ISOC1: variants seen among roughly 807,000 people sequenced by gnomAD.
ISOC1 encodes the protein isochorismatase domain containing 1.
A neutral mutation model predicts 30.0 loss-of-function variants in ISOC1; 33 were observed. The ratio of observed to expected loss-of-function variants is 1.10; its 90% CI spans 0.83 to 1.47. The LOEUF (loss-of-function observed/expected upper bound fraction) is 1.47, where lower values mean the gene tolerates loss of function less well. ISOC1 is among the 40% of genes most tolerant of loss of function. The pLI is 0.00. For missense variants in ISOC1, 372 were observed against 388.0 expected, an observed-to-expected ratio of 0.96 and a Z score of 0.35; for synonymous variants, 178 against 159.8, an observed-to-expected ratio of 1.11 and a Z score of -0.86.
intron 4 of ISOC1, among the ~76,000 whole-genome samples, chr5:129,111,703 C>G (rs1054694573): frequency 6.6e-6 from 1 of 152,044 alleles, no homozygotes; most frequent in African/African-American, 2.4e-5. Flanking sequence ...TTCCTCCTTT[C>G]CTCTCTCTAC....
rs1220076830 is a variant in ISOC1 at position 129,094,797 on chromosome 5, C to T, written c.31C>T (p.Leu11Phe). MAAAEPAVLALPNSGAGGAGA... is the reference protein window; with the variant it reads MAAAEPAVLAFPNSGAGGAGA... ...GGCTGCGGAGCCGGCGGTCCTTGCG[C>T]TCCCCAACAGCGGCGCCGGGGGCGC... Residue 11 changes from leucine (L) to phenylalanine (F), a missense_variant, in exon 1 of 5, where the codon CTC (leucine) becomes TTC (phenylalanine). By Grantham distance (22) the Leu-to-Phe change is conservative. Coordinates refer to ENST00000173527, the MANE Select transcript of ISOC1 (RefSeq NM_016048.2). 9 of 1,527,208 alleles carry T rather than the reference C, an allele frequency of 5.9e-6. No homozygotes were observed. Among genetic ancestry groups the T allele is most frequent in the Non-Finnish European group, 7.0e-6 (8 of 1,142,350 alleles). 94.6% of individuals were successfully genotyped at this position (1,527,208 alleles called of 1,614,324 possible). A position where few individuals can be genotyped will look rare whatever the true frequency, so the allele number is the denominator to read the frequency against.
At chr5:129,095,155 T>TC in intron 1 of ISOC1, 80 bp downstream of exon 1, 1 of 1,381,204 alleles carries the variant, frequency 7.2e-7, no homozygotes, top group South Asian at 1.5e-5. Context: ...TTCGCCGCGC[T>TC]CCTCAGGTGC....
At chr5:129,105,507 C>A (rs1455831611) in intron 3 of ISOC1, 119 bp downstream of exon 3, 2 of 783,468 alleles carry the variant, frequency 2.6e-6, no homozygotes, top group Non-Finnish European at 4.1e-6. Context: ...AAGGTAGCCA[C>A]CATGTATTAT....
chr5:129,104,133 A>G (rs1350656218), intron 1 of ISOC1, among the ~76,000 whole-genome samples: 2 of 152,174 alleles, frequency 1.3e-5, no homozygotes, highest in Admixed American at 6.5e-5. Context: ...AAGAATGGAG[A>G]TGTCAAATAT....
chr5:129,106,231 G>A (rs923555818), intron 3 of ISOC1, among the ~76,000 whole-genome samples: 2 of 152,080 alleles, frequency 1.3e-5, no homozygotes, highest in Non-Finnish European at 2.9e-5. Flanking sequence ...ATTTTAATGA[G>A]GTGTCATTTG....
intron 4 of ISOC1, among the ~76,000 whole-genome samples, chr5:129,108,078 T>G (rs1382721451): frequency 6.6e-6 from 1 of 152,248 alleles, no homozygotes; most frequent in Non-Finnish European, 1.5e-5. Context: ...TCTTTAACTG[T>G]TTATTGAGAA....
At chr5:129,104,906 A>G (rs1369672013) in intron 1 of ISOC1, 50 bp from the exon 2 acceptor site, 19 of 1,584,576 alleles carry the variant, frequency 1.2e-5, no homozygotes, top group Non-Finnish European at 1.5e-5. Flanking sequence ...ACTGAAAATA[A>G]ATGTCATTGT....
chr5:129,110,320 C>G (rs1481709558), intron 4 of ISOC1, among the ~76,000 whole-genome samples: 1 of 152,106 alleles, frequency 6.6e-6, no homozygotes, highest in East Asian at 1.9e-4. Flanking sequence ...CCTTTTTAAG[C>G]CAGGAGAGAA....
In ISOC1 at chr5:129,095,025, T is replaced by C; in HGVS notation, c.259T>C (p.Phe87Leu). 2 of 1,600,412 alleles carry C rather than the reference T, an allele frequency of 1.2e-6. No homozygotes were observed. Among genetic ancestry groups the C allele is most frequent in the Non-Finnish European group, 1.7e-6 (2 of 1,175,768 alleles). Reference protein sequence around the residue: ...WGQYVDLPKGFAVSERCKVRL... With the variant: ...WGQYVDLPKGLAVSERCKVRL... Reference sequence around the variant, plus strand: ...CCAGTACGTGGACTTGCCCAAGGGCTTCGCGGTGAGCGAGCGCTGCAAGGT... The same window carrying C: ...CCAGTACGTGGACTTGCCCAAGGGCCTCGCGGTGAGCGAGCGCTGCAAGGT... Residue 87 changes from phenylalanine to leucine, a missense_variant, in exon 1 of 5, where the codon TTC (phenylalanine) becomes CTC (leucine). Physicochemically the swap from Phe to Leu is conservative, Grantham distance 22 (BLOSUM62 0). Coordinates refer to ENST00000173527, the MANE Select transcript of ISOC1 (RefSeq NM_016048.2).
In ISOC1 at chr5:129,106,011, ATAG is replaced by A. The variant is rs1753632497; in HGVS notation, c.633+630_633+632del. On this transcript the variant is annotated intron_variant, in intron 3 of 4. Transcript: ENST00000173527. ...TTATGACAATTTGAAGGTAACTTTT[ATAG>A]TAGTAGGTTTTAACAGTAGAAAGAT... Among the ~76,000 whole-genome samples, 3 of 152,214 alleles carry A rather than the reference ATAG, an allele frequency of 2.0e-5. No individual in the cohort carries two copies. The South Asian group carries it at 6.2e-4, about 32-fold the overall frequency.
chr5:129,109,467 G>C (rs562669374), intron 4 of ISOC1, among the ~76,000 whole-genome samples: 43 of 152,264 alleles, frequency 2.8e-4, no homozygotes, highest in African/African-American at 1.0e-3. Flanking sequence ...TTGTCTTCAC[G>C]TGGTTAGTCA....
chr5:129,097,374 G>A (rs999909304), intron 1 of ISOC1, among the ~76,000 whole-genome samples: 1 of 152,102 alleles, frequency 6.6e-6, no homozygotes, highest in Non-Finnish European at 1.5e-5. Flanking sequence ...TATGAGAAGA[G>A]AGAGATATAT....
chr5:129,104,379 A>G (rs1311223807), intron 1 of ISOC1, among the ~76,000 whole-genome samples: 1 of 152,166 alleles, frequency 6.6e-6, no homozygotes, highest in Non-Finnish European at 1.5e-5. Context: ...AAGCAGCAAC[A>G]TCAGATTTTT....
chr5:129,107,146 G>A (rs1580789095), intron 4 of ISOC1, 84 bp downstream of exon 4: 3 of 1,104,022 alleles, frequency 2.7e-6, no homozygotes, highest in Non-Finnish European at 2.8e-6. Flanking sequence ...AGTAATGAAA[G>A]GTTTACCTCC....
At chr5:129,095,980 C>T (rs1019935943) in intron 1 of ISOC1, among the ~76,000 whole-genome samples, 1 of 152,220 alleles carries the variant, frequency 6.6e-6, no homozygotes, top group Non-Finnish European at 1.5e-5. Flanking sequence ...ACTGATAAGT[C>T]ATTTTTTCAG....
At chr5:129,095,897 A>G (rs1753494619) in intron 1 of ISOC1, among the ~76,000 whole-genome samples, 1 of 152,190 alleles carries the variant, frequency 6.6e-6, no homozygotes, top group Non-Finnish European at 1.5e-5. Flanking sequence ...TGGCGAATTT[A>G]TATTTTGGAA....
chr5:129,098,272 T>C (rs548164398), intron 1 of ISOC1, among the ~76,000 whole-genome samples: 3 of 152,180 alleles, frequency 2.0e-5, no homozygotes, highest in Non-Finnish European at 4.4e-5. Context: ...TGGTAAGTTT[T>C]TGGTGACTTC....
chr5:129,112,273 A>C (rs1193502625), intron 4 of ISOC1, among the ~76,000 whole-genome samples: 1 of 152,202 alleles, frequency 6.6e-6, no homozygotes, highest in Non-Finnish European at 1.5e-5. Context: ...CAGGGGTGCC[A>C]GGCATAAGTA....
chr5:129,111,073 G>A (rs1753700950), intron 4 of ISOC1, among the ~76,000 whole-genome samples: 2 of 152,054 alleles, frequency 1.3e-5, no homozygotes, highest in Admixed American at 1.3e-4. Flanking sequence ...CTGCCTTTCT[G>A]TCTGAAGCAA....
Sources: gnomAD v4.1 joint callset for allele counts (sites outside exome capture counted in the v4.1 genomes callset) on GRCh38, gnomAD v4.1.1 for gene constraint, MANE v1.5 for transcripts, NCBI Gene and HGNC (gene_info 2026-07-23, HGNC 2026-07-21) for gene names.